The following SLC24A3 variants were observed in gnomAD, a reference collection of about 807,000 sequenced individuals.
SLC24A3 encodes solute carrier family 24 member 3, also known as sodium/potassium/calcium exchanger 3.
SLC24A3 carries 28 observed loss-of-function variants against 75.8 expected under a neutral mutation model. The observed-to-expected ratio is 0.37, with a 90% CI of 0.27 to 0.51. SLC24A3 has a LOEUF of 0.51. Ranked by LOEUF, SLC24A3 falls within the 20% of genes least tolerant of loss-of-function variation. The pLI, the probability that SLC24A3 is intolerant of heterozygous loss-of-function variation, is 0.94. For missense variants in SLC24A3, 663 were observed against 847.8 expected, an observed-to-expected ratio of 0.78 and a Z score of 2.71; for synonymous variants, 372 against 334.1, an observed-to-expected ratio of 1.11 and a Z score of -1.24.
At chr20:19,251,301 A>C (rs1034773845) in intron 1 of SLC24A3, among the ~76,000 whole-genome samples, 1 of 152,280 alleles carries the variant, frequency 6.6e-6, no homozygotes, top group African/African-American at 2.4e-5. Context: ...CTCTATTTCT[A>C]CATTAGGGAT....
chr20:19,499,813 C>T (rs943310531), intron 2 of SLC24A3, among the ~76,000 whole-genome samples: 2 of 152,132 alleles, frequency 1.3e-5, no homozygotes, highest in Admixed American at 6.5e-5. Flanking sequence ...CATGTACACA[C>T]ATGGATGCTA....
At chr20:19,285,114 A>C (rs1042207910) in intron 2 of SLC24A3, among the ~76,000 whole-genome samples, 2 of 152,164 alleles carry the variant, frequency 1.3e-5, no homozygotes, top group Non-Finnish European at 2.9e-5. Context: ...GTGCCAGAGA[A>C]AGCCCAGGGT....
At chr20:19,602,028 C>T (rs990108901) in intron 6 of SLC24A3, among the ~76,000 whole-genome samples, 1 of 151,962 alleles carries the variant, frequency 6.6e-6, no homozygotes, top group African/African-American at 2.4e-5. Context: ...CAAAAATTAG[C>T]TGGGTGTGGC....
intron 2 of SLC24A3, among the ~76,000 whole-genome samples, chr20:19,460,589 A>G (rs1346141883): frequency 1.3e-5 from 2 of 152,170 alleles, no homozygotes; most frequent in Non-Finnish European, 2.9e-5. Context: ...GTGAATTAGC[A>G]GTGGGGCCAT....
intron 1 of SLC24A3, among the ~76,000 whole-genome samples, chr20:19,215,919 G>A (rs6136654): frequency 6.6e-5 from 10 of 152,146 alleles, no homozygotes; most frequent in Non-Finnish European, 1.3e-4. Context: ...GCTTAATTTA[G>A]GTCAGGAAGA....
At chr20:19,260,467 C>A (rs1032793768) in intron 1 of SLC24A3, among the ~76,000 whole-genome samples, 2 of 152,174 alleles carry the variant, frequency 1.3e-5, no homozygotes, top group Admixed American at 6.5e-5. Context: ...CAGTGTCCAG[C>A]ACATAATCTC....
chr20:19,575,649 G>A (rs1331964673), intron 3 of SLC24A3, among the ~76,000 whole-genome samples: 4 of 152,230 alleles, frequency 2.6e-5, no homozygotes, highest in Non-Finnish European at 5.9e-5. Flanking sequence ...ACTTGTACCG[G>A]CTGCTGTAGC....
At chr20:19,447,612 G>A (rs780708969) in intron 2 of SLC24A3, among the ~76,000 whole-genome samples, 3 of 152,190 alleles carry the variant, frequency 2.0e-5, no homozygotes, top group Non-Finnish European at 4.4e-5. Flanking sequence ...GAAGATGGCA[G>A]GTTTACCATC....
chr20:19,682,816 T>C (rs918400687), intron 10 of SLC24A3, among the ~76,000 whole-genome samples: 66 of 152,200 alleles, frequency 4.3e-4, no homozygotes, highest in African/African-American at 1.5e-3. Context: ...TGCCTTCCTC[T>C]TCAAAGTAAT....
intron 3 of SLC24A3, among the ~76,000 whole-genome samples, chr20:19,526,198 T>C (rs753207944): frequency 1.3e-5 from 2 of 152,204 alleles, no homozygotes; most frequent in Non-Finnish European, 1.5e-5. Flanking sequence ...CCTTGTTCTC[T>C]TCAGTGCATT....
chr20:19,219,981 A>C (rs1209302059), intron 1 of SLC24A3, among the ~76,000 whole-genome samples: 1 of 152,198 alleles, frequency 6.6e-6, no homozygotes, highest in African/African-American at 2.4e-5. Context: ...TGCAATTGAC[A>C]TGTAGAAAGG....
At chr20:19,278,827 A>G (rs1165738037) in intron 1 of SLC24A3, among the ~76,000 whole-genome samples, 1 of 152,206 alleles carries the variant, frequency 6.6e-6, no homozygotes, top group Non-Finnish European at 1.5e-5. Context: ...CTGTAATTTG[A>G]TATCTTGCTA....
intron 3 of SLC24A3, among the ~76,000 whole-genome samples, chr20:19,563,473 T>C (rs1275559691): frequency 6.6e-6 from 1 of 151,814 alleles, no homozygotes; most frequent in Non-Finnish European, 1.5e-5. Flanking sequence ...GGGAAATGAA[T>C]TAGTAAGAGG....
intron 2 of SLC24A3, among the ~76,000 whole-genome samples, chr20:19,405,724 C>T (rs966416617): frequency 2.6e-5 from 4 of 152,132 alleles, no homozygotes; most frequent in African/African-American, 9.7e-5. Flanking sequence ...AAATCACAAG[C>T]CTTGAAGAAT....
At chr20:19,276,725 T>A (rs1983498822) in intron 1 of SLC24A3, among the ~76,000 whole-genome samples, 1 of 152,056 alleles carries the variant, frequency 6.6e-6, no homozygotes, top group Non-Finnish European at 1.5e-5. Context: ...GGCAACATAG[T>A]GAGACTCTGT....
At chr20:19,682,101 C>T in intron 10 of SLC24A3, 110 bp downstream of exon 10, 1 of 1,245,010 alleles carries the variant, frequency 8.0e-7, no homozygotes, top group Admixed American at 2.3e-5. Flanking sequence ...AAAAATACAA[C>T]AAAATTAACC....
intron 2 of SLC24A3, among the ~76,000 whole-genome samples, chr20:19,452,135 C>T (rs762444902): frequency 1.3e-5 from 2 of 152,114 alleles, no homozygotes; most frequent in African/African-American, 2.4e-5. Context: ...AAGGCTTATC[C>T]CACAAGTGCA....
intron 2 of SLC24A3, among the ~76,000 whole-genome samples, chr20:19,314,021 C>T (rs893094933): frequency 1.3e-5 from 2 of 152,158 alleles, no homozygotes; most frequent in Admixed American, 1.3e-4. Flanking sequence ...CTGTAAGCAT[C>T]CCCTGATGAA....
intron 6 of SLC24A3, among the ~76,000 whole-genome samples, chr20:19,598,183 CCTT>C (rs1366581856): frequency 2.0e-5 from 3 of 152,110 alleles, no homozygotes; most frequent in Non-Finnish European, 1.5e-5. Context: ...AGGCCAATCT[CCTT>C]TTATTTTTTG....
Sources: allele counts gnomAD v4.1 joint callset (sites outside exome capture counted in the v4.1 genomes callset), GRCh38; gene constraint gnomAD v4.1.1; transcripts MANE v1.5; gene names NCBI Gene and HGNC (gene_info 2026-07-23, HGNC 2026-07-21).